The following TRIM14 variants were observed in gnomAD, a reference collection of about 807,000 sequenced individuals.
TRIM14 encodes the protein tripartite motif-containing protein 14.
A neutral mutation model predicts 44.5 loss-of-function variants in TRIM14; 28 were observed. The ratio of observed to expected loss-of-function variants is 0.63; its 90% CI spans 0.47 to 0.86. TRIM14 has a LOEUF of 0.86. TRIM14 is among the 40% of genes least tolerant of loss of function. The probability of loss-of-function intolerance (pLI) is 0.00; values close to 1 mark genes in which losing one functional copy is unlikely to be tolerated. For synonymous variants in TRIM14, 299 were observed against 269.2 expected (o/e 1.11, Z -1.08); for missense variants, 607 against 611.1 (o/e 0.99, Z 0.07).
At chr9:98,099,190 C>A (rs888819111) in intron 3 of TRIM14, among the ~76,000 whole-genome samples, 1 of 152,038 alleles carries the variant, frequency 6.6e-6, no homozygotes, top group Non-Finnish European at 1.5e-5. Flanking sequence ...CGGTGGCTCA[C>A]ACCTATAATC....
At chr9:98,090,331 A>G (rs1438700553) in intron 5 of TRIM14, among the ~76,000 whole-genome samples, 1 of 152,210 alleles carries the variant, frequency 6.6e-6, no homozygotes, top group Admixed American at 6.5e-5. Context: ...AAAACACAGA[A>G]GGGTATAGTG....
At chr9:98,078,282 T>G (rs780268306) in intron 6 of TRIM14, 1 of 1,614,106 alleles carries the variant, frequency 6.2e-7, no homozygotes, top group South Asian at 1.1e-5. Context: ...CCCCAACTTC[T>G]GCTTCTTGCA....
intron 6 of TRIM14, among the ~76,000 whole-genome samples, chr9:98,073,855 C>T (rs1210180703): frequency 6.6e-6 from 1 of 152,010 alleles, no homozygotes; most frequent in East Asian, 1.9e-4. Context: ...GACACGACCT[C>T]AGCTCAGTGC....
chr9:98,116,780 G>T, intron 1 of TRIM14, among the ~76,000 whole-genome samples: 1 of 151,168 alleles, frequency 6.6e-6, no homozygotes, highest in Non-Finnish European at 1.5e-5. Flanking sequence ...GGAGGTGGAG[G>T]TTGCAGTGAG....
At chr9:98,077,582 G>A (rs907216429) in intron 6 of TRIM14, among the ~76,000 whole-genome samples, 4 of 152,096 alleles carry the variant, frequency 2.6e-5, no homozygotes, top group Non-Finnish European at 5.9e-5. Flanking sequence ...GCTGGGTATG[G>A]TGGTGCATTA....
the TRIM14 span, among the ~76,000 whole-genome samples, chr9:98,054,050 C>T: frequency 6.6e-6 from 1 of 152,166 alleles, no homozygotes; most frequent in African/African-American, 2.4e-5. Context: ...CTTTGATCCA[C>T]TCAAGGTGGG....
chr9:98,065,084 T>C (rs1365174978), downstream of TRIM14, among the ~76,000 whole-genome samples: 1 of 152,152 alleles, frequency 6.6e-6, no homozygotes, highest in Admixed American at 6.5e-5. Context: ...ACTGGTGACA[T>C]AGCAGCCTGC....
chr9:98,118,905 C>T, intron 1 of TRIM14, 77 bp downstream of exon 1: 3 of 1,392,546 alleles, frequency 2.2e-6, no homozygotes, highest in Non-Finnish European at 9.3e-7. Flanking sequence ...CGGCCAGGCA[C>T]GCCCCCTCCT....
intron 1 of TRIM14, among the ~76,000 whole-genome samples, chr9:98,112,239 A>G (rs1283521144): frequency 1.3e-5 from 2 of 152,222 alleles, no homozygotes; most frequent in Non-Finnish European, 2.9e-5. Context: ...ACTTGATATA[A>G]AAGAAACAGT....
chr9:98,087,355 A>G lies in TRIM14; in HGVS notation c.*115T>C. On this transcript the variant is annotated 3_prime_UTR_variant, in exon 6 of 6. Coordinates refer to ENST00000341469, the MANE Select transcript of TRIM14 (RefSeq NM_014788.4). The stretch of plus-strand genomic sequence containing the variant: ...GTGATTGGTCGGGGAAAGCTGGGGC[A>G]GGGAGAGGGCCCTAAGAAGCAGGCA... 4.7e-6 allele frequency: 7 copies of G among 1,475,460 alleles called. No homozygotes were observed. The highest frequency in any genetic ancestry group is 6.6e-6 in the Non-Finnish European group (7 of 1,054,346). The allele number at this position is 1,475,460 out of a possible 1,614,324, so 91.4% of individuals were successfully genotyped here.
intron 6 of TRIM14, chr9:98,077,118 AT>A: frequency 1.1e-6 from 1 of 869,630 alleles, no homozygotes; most frequent in Non-Finnish European, 1.7e-6. Flanking sequence ...ATGAAGACAA[AT>A]TTTAGCCTCT....
At chr9:98,036,515 A>AAAAAAAG in the TRIM14 span, among the ~76,000 whole-genome samples, 34 of 150,100 alleles carry the variant, frequency 2.3e-4, no homozygotes, top group African/African-American at 7.6e-4. Context: ...AAAAAAAAAA[A>AAAAAAAG]AAAATGCTAG....
chr9:98,075,005 G>A (rs1276960403), intron 6 of TRIM14: 1 of 152,144 alleles, frequency 6.6e-6, no homozygotes, highest in Non-Finnish European at 1.5e-5. Context: ...GAAGGAGTGA[G>A]GTGGAAAGGT....
At chr9:98,088,849 G>A (rs546071911) in intron 5 of TRIM14, among the ~76,000 whole-genome samples, 1 of 152,194 alleles carries the variant, frequency 6.6e-6, no homozygotes, top group Admixed American at 6.5e-5. Flanking sequence ...CCCAAAGTTT[G>A]TAGTGATTTA....
chr9:98,092,474 T>C (rs1296408790), intron 4 of TRIM14: 1 of 390,302 alleles, frequency 2.6e-6, no homozygotes, highest in Non-Finnish European at 5.1e-6. Flanking sequence ...TTCCCAGCTA[T>C]TGGGGCCGCA....
the TRIM14 span, chr9:98,061,274 C>T: frequency 5.3e-6 from 2 of 376,566 alleles, no homozygotes; most frequent in Admixed American, 3.8e-5. Context: ...GTCAGGAGTT[C>T]GAGACCAGCC....
At position 98,087,650 on chromosome 9, in the gene TRIM14, C is replaced by T. The variant is rs1375441088; in HGVS notation, c.1149G>A (p.Arg383=). The T allele has an allele frequency of 1.2e-6, 2 of 1,604,288 alleles. No individual in the cohort carries two copies. The change falls in exon 6 of 6, where the codon CGG becomes CGA. Residue 383 remains arginine, a synonymous_variant. Transcript: ENST00000341469. ...AFHDGQRSRL[R]PRDDLDRLGV... ...CGAGCCGGTCGAGGTCGTCGCGGGG[C>T]CGCAGGCGGCTGCGCTGGCCGTCGT...
chr9:98,056,991 G>A, the TRIM14 span: 1 of 1,501,662 alleles, frequency 6.7e-7, no homozygotes, highest in Admixed American at 2.1e-5. Flanking sequence ...GAGGGGCGGG[G>A]CGGGGCCGCG....
chr9:98,092,153 A>G, intron 4 of TRIM14, 152 bp from the exon 5 acceptor site: 1 of 553,632 alleles, frequency 1.8e-6, no homozygotes, highest in South Asian at 3.3e-5. Context: ...GGGACAGGAA[A>G]ACCCCAGGAT....
Sources: gnomAD v4.1 joint callset for allele counts (sites outside exome capture counted in the v4.1 genomes callset) on GRCh38, gnomAD v4.1.1 for gene constraint, MANE v1.5 for transcripts, NCBI Gene and HGNC (gene_info 2026-07-23, HGNC 2026-07-21) for gene names.